Variants in DNAJC13 observed in about 807,000 individuals in gnomAD.
DNAJC13 encodes the protein dnaJ homolog subfamily C member 13.
Under a neutral mutation model 290.5 loss-of-function variants are expected in DNAJC13, and 75 were observed. The ratio of observed to expected loss-of-function variants is 0.26; its 90% CI spans 0.21 to 0.31. DNAJC13 has a LOEUF of 0.31. DNAJC13 is among the 10% of genes least tolerant of loss of function. DNAJC13 has a pLI of 1.00. For synonymous variants in DNAJC13, 862 were observed against 892.0 expected (o/e 0.97, Z 0.60); for missense variants, 2,260 against 2,674.5 (o/e 0.85, Z 3.42).
chr3:132,467,411 GCTGAATAC>G, intron 20 of DNAJC13, 98 bp downstream of exon 20: 1 of 1,194,828 alleles, frequency 8.4e-7, no homozygotes, highest in Non-Finnish European at 1.2e-6. Flanking sequence ...TACATTTCTT[GCTGAATAC>G]CTGAAGCTTA....
At chr3:132,454,948 A>G (rs1309369200) in intron 9 of DNAJC13, among the ~76,000 whole-genome samples, 1 of 152,230 alleles carries the variant, frequency 6.6e-6, no homozygotes, top group Non-Finnish European at 1.5e-5. Flanking sequence ...AAAGTAAAGC[A>G]ACTTCTTTGT....
rs1302913218 is a variant in DNAJC13 at position 132,456,806 on chromosome 3, T to G, written c.1323T>G (p.Gly441=). Residue 441 remains glycine (G), a synonymous_variant, in exon 12 of 56, where the codon GGT becomes GGG. Coordinates refer to ENST00000260818, the MANE Select transcript of DNAJC13 (RefSeq NM_015268.4). ...AVRRLVASKA[G]FLAFTQLPKF... Reference sequence around the variant, plus strand: ...GGAGGCTTGTGGCATCCAAAGCTGGTTTCCTGGCTTTCACTCAGCTTCCAA... The same window carrying G: ...GGAGGCTTGTGGCATCCAAAGCTGGGTTCCTGGCTTTCACTCAGCTTCCAA... 1 of 1,612,690 alleles carries G rather than the reference T, an allele frequency of 6.2e-7. No homozygotes were observed. Among genetic ancestry groups the G allele is most frequent in the Non-Finnish European group, 8.5e-7 (1 of 1,179,512 alleles).
intron 35 of DNAJC13, among the ~76,000 whole-genome samples, chr3:132,495,564 A>G (rs1212010302): frequency 6.6e-6 from 1 of 152,302 alleles, no homozygotes; most frequent in East Asian, 1.9e-4. Flanking sequence ...CCAATTTCAT[A>G]TCACTGTAAC....
chr3:132,522,587 A>G (rs372041680), intron 48 of DNAJC13, among the ~76,000 whole-genome samples: 1 of 152,174 alleles, frequency 6.6e-6, no homozygotes, highest in Non-Finnish European at 1.5e-5. Flanking sequence ...TCACCATGGC[A>G]GAACAGAGAA....
intron 23 of DNAJC13, 35 bp downstream of exon 23, chr3:132,477,927 T>C (rs763743494): frequency 1.2e-6 from 2 of 1,602,338 alleles, no homozygotes; most frequent in Non-Finnish European, 1.7e-6. Context: ...GCATTTGTTT[T>C]CACTGTTGGT....
At chr3:132,506,021 G>A (rs532568467) in intron 42 of DNAJC13, among the ~76,000 whole-genome samples, 4 of 144,194 alleles carry the variant, frequency 2.8e-5, no homozygotes, top group African/African-American at 7.7e-5. Flanking sequence ...TAGGGAGAAC[G>A]GGTCTTACAT....
chr3:132,480,540 T>A, intron 26 of DNAJC13, 70 bp downstream of exon 26: 1 of 1,169,628 alleles, frequency 8.5e-7, no homozygotes, highest in East Asian at 2.4e-5. Flanking sequence ...AAAAGAATCA[T>A]AGAAATCTGA....
intron 48 of DNAJC13, among the ~76,000 whole-genome samples, chr3:132,521,924 A>G (rs759643910): frequency 1.3e-5 from 2 of 152,160 alleles, no homozygotes; most frequent in Non-Finnish European, 2.9e-5. Flanking sequence ...AGCAACTGAC[A>G]TGATTTTATT....
In DNAJC13 at chr3:132,503,102, G is replaced by A. The variant is rs1935473410; in HGVS notation, c.4717-112G>A. On this transcript the variant is annotated intron_variant, in intron 40 of 55. Transcript: ENST00000260818. ...TAGGTACTCTTGTACCCTTTTGTTG[G>A]TTGACTTTTTACTCCTTAAATATGT... 3 of 1,159,988 alleles carry A rather than the reference G, an allele frequency of 2.6e-6. No homozygotes were observed. The Admixed American group carries it at 8.0e-5, about 31-fold the overall frequency. 71.9% of individuals were successfully genotyped at this position (1,159,988 alleles called of 1,614,324 possible).
At position 132,538,143 on chromosome 3, in the gene DNAJC13, C is replaced by G. The variant is rs1367403916; in HGVS notation, c.6626-33C>G. 8.2e-6 allele frequency: 13 copies of G among 1,578,128 alleles called. No individual in the cohort carries two copies. The Admixed American group carries it at 1.7e-4, about 20-fold the overall frequency. ...GTCAATGTTTTCACTTGACTGCTTT[C>G]TAGAGGTGTGTGTTTACCTTTCTCT... On this transcript the variant is annotated intron_variant, in intron 55 of 55. Coordinates refer to ENST00000260818, the MANE Select transcript of DNAJC13 (RefSeq NM_015268.4).
In DNAJC13 at chr3:132,446,517, A is replaced by G; in HGVS notation, c.111A>G (p.Thr37=). The G allele has an allele frequency of 6.2e-7, 1 of 1,609,288 alleles. No individual in the cohort carries two copies. The highest frequency in any genetic ancestry group is 8.5e-7 in the Non-Finnish European group (1 of 1,178,170). ...VFSVGTHAIT[T]YNPNTLEVTN... is the part of the protein sequence containing the mutation. ...CAGTTGGAACTCATGCGATTACTAC[A>G]TATAATCCCAATACCTTAGAAGTAA... The change falls in exon 3 of 56, where the codon ACA becomes ACG. Residue 37 remains threonine (T), a synonymous_variant. Coordinates refer to ENST00000260818, the MANE Select transcript of DNAJC13 (RefSeq NM_015268.4).
At chr3:132,504,779 A>T (rs1935533863) in intron 41 of DNAJC13, among the ~76,000 whole-genome samples, 1 of 152,226 alleles carries the variant, frequency 6.6e-6, no homozygotes, top group African/African-American at 2.4e-5. Flanking sequence ...CTAAGCAGTC[A>T]TAATCTATGC....
chr3:132,466,109 A>G, intron 18 of DNAJC13, 39 bp downstream of exon 18: 1 of 1,539,932 alleles, frequency 6.5e-7, no homozygotes, highest in Non-Finnish European at 9.0e-7. Flanking sequence ...ACTGCCTAAT[A>G]AAATTTAATT....
At position 132,517,428 on chromosome 3, in the gene DNAJC13, CT is replaced by C. The variant is rs1211535455; in HGVS notation, c.5673+613del. Reference sequence around the variant, plus strand: ...GTATCAATGTCCCTTTATTTTGTTACTAAGTCAGTTTCACAAGTAGTACTCA... The same window carrying C: ...GTATCAATGTCCCTTTATTTTGTTACAAGTCAGTTTCACAAGTAGTACTCA... On this transcript the variant is annotated intron_variant, in intron 48 of 55. Coordinates refer to ENST00000260818, the MANE Select transcript of DNAJC13 (RefSeq NM_015268.4). 2.0e-5 allele frequency among the ~76,000 whole-genome samples: 3 copies of C among 152,266 alleles called. No homozygotes were observed. In the South Asian group the frequency reaches 6.2e-4, roughly 32 times the overall value.
intron 5 of DNAJC13, among the ~76,000 whole-genome samples, chr3:132,448,293 G>T (rs932483977): frequency 6.6e-6 from 1 of 152,140 alleles, no homozygotes; most frequent in South Asian, 2.1e-4. Flanking sequence ...TCATTGTTTG[G>T]TGTAGGAGTT....
intron 48 of DNAJC13, among the ~76,000 whole-genome samples, chr3:132,518,727 C>A (rs1388447433): frequency 1.3e-5 from 2 of 152,116 alleles, no homozygotes; most frequent in Non-Finnish European, 2.9e-5. Flanking sequence ...ACAGTTCACA[C>A]ATATCTAGTG....
intron 28 of DNAJC13, 75 bp from the exon 29 acceptor site, chr3:132,484,513 G>C: frequency 7.3e-7 from 1 of 1,362,662 alleles, no homozygotes; most frequent in Non-Finnish European, 1.0e-6. Flanking sequence ...TTCATGCCTA[G>C]TAGAATGTCG....
At chr3:132,518,014 A>G (rs934441828) in intron 48 of DNAJC13, among the ~76,000 whole-genome samples, 1 of 152,210 alleles carries the variant, frequency 6.6e-6, no homozygotes, top group Non-Finnish European at 1.5e-5. Flanking sequence ...GCTAGGTAGC[A>G]CATAACTGTA....
At chr3:132,480,905 T>A (rs1934645770) in intron 26 of DNAJC13, among the ~76,000 whole-genome samples, 1 of 152,204 alleles carries the variant, frequency 6.6e-6, no homozygotes, top group Non-Finnish European at 1.5e-5. Context: ...TTTGGTGTTT[T>A]AATTTCCTGA....
Sources: gnomAD v4.1 joint callset for allele counts (sites outside exome capture counted in the v4.1 genomes callset) on GRCh38, gnomAD v4.1.1 for gene constraint, MANE v1.5 for transcripts, NCBI Gene and HGNC (gene_info 2026-07-23, HGNC 2026-07-21) for gene names.